CAMK4: variants seen among roughly 807,000 people sequenced by gnomAD.
CAMK4 encodes calcium/calmodulin-dependent protein kinase type IV.
CAMK4 carries 22 observed loss-of-function variants against 44.9 expected under a neutral mutation model. That is an observed-to-expected ratio of 0.49 (90% CI 0.35 to 0.70). The LOEUF (loss-of-function observed/expected upper bound fraction) is 0.70. Among genes scored for constraint, CAMK4 ranks in the 30% least tolerant of loss-of-function variants. The probability of loss-of-function intolerance (pLI) is 0.01; values close to 1 mark genes in which losing one functional copy is unlikely to be tolerated. For missense variants in CAMK4, 498 were observed against 586.8 expected (o/e 0.85, Z 1.56); for synonymous variants, 218 against 215.4 (o/e 1.01, Z -0.11).
chr5:111,404,356 G>A (rs1256257435), intron 5 of CAMK4, among the ~76,000 whole-genome samples: 2 of 152,220 alleles, frequency 1.3e-5, no homozygotes, highest in African/African-American at 4.8e-5. Context: ...TCCATGGTCA[G>A]TTCTTATCTG....
At chr5:111,255,410 C>G (rs574250865) in intron 1 of CAMK4, among the ~76,000 whole-genome samples, 3 of 152,122 alleles carry the variant, frequency 2.0e-5, no homozygotes, top group Non-Finnish European at 4.4e-5. Flanking sequence ...TGGATTCATG[C>G]CCAGCAAGTT....
chr5:111,235,283 A>G (rs1010032786), intron 1 of CAMK4, among the ~76,000 whole-genome samples: 2 of 152,138 alleles, frequency 1.3e-5, no homozygotes, highest in South Asian at 2.1e-4. Context: ...TATTCATTCA[A>G]ATAAGTCATT....
intron 2 of CAMK4, among the ~76,000 whole-genome samples, chr5:111,372,234 C>G (rs971406359): frequency 2.0e-5 from 3 of 152,128 alleles, no homozygotes; most frequent in African/African-American, 7.2e-5. Context: ...ATACTAAAAG[C>G]AAACAATAAC....
At chr5:111,470,621 A>G (rs1191912644) in intron 7 of CAMK4, among the ~76,000 whole-genome samples, 3 of 152,244 alleles carry the variant, frequency 2.0e-5, no homozygotes, top group Admixed American at 6.5e-5. Context: ...AACCATGTCA[A>G]TGCAGTCTTT....
intron 7 of CAMK4, among the ~76,000 whole-genome samples, chr5:111,452,158 G>A (rs1163906995): frequency 6.6e-6 from 1 of 152,228 alleles, no homozygotes; most frequent in Non-Finnish European, 1.5e-5. Context: ...TTGTCAGTGG[G>A]TACAGGGAGA....
chr5:111,246,602 A>G (rs1361943862), intron 1 of CAMK4, among the ~76,000 whole-genome samples: 1 of 152,192 alleles, frequency 6.6e-6, no homozygotes, highest in African/African-American at 2.4e-5. Flanking sequence ...AGCAAAATGC[A>G]GCATTTAAGT....
intron 5 of CAMK4, among the ~76,000 whole-genome samples, chr5:111,406,775 A>G (rs1752450080): frequency 6.6e-6 from 1 of 152,182 alleles, no homozygotes; most frequent in Non-Finnish European, 1.5e-5. Flanking sequence ...TAACTTATTT[A>G]TCTTCCTTGG....
chr5:111,467,373 C>CAAAAAAAAAA (rs34201915), intron 7 of CAMK4, among the ~76,000 whole-genome samples: 2 of 49,498 alleles, frequency 4.0e-5, no homozygotes, highest in Non-Finnish European at 7.0e-5. Flanking sequence ...TTCTGCATAG[C>CAAAAAAAAAA]AAAAAAAAAA....
chr5:111,281,804 A>G, intron 1 of CAMK4, among the ~76,000 whole-genome samples: 1 of 152,070 alleles, frequency 6.6e-6, no homozygotes, highest in African/African-American at 2.4e-5. Context: ...CACGCCTGTA[A>G]TCCCAGCACT....
At chr5:111,460,417 G>A (rs1159185684) in intron 7 of CAMK4, among the ~76,000 whole-genome samples, 4 of 151,416 alleles carry the variant, frequency 2.6e-5, no homozygotes, top group East Asian at 1.9e-4. Flanking sequence ...GACCACAAGC[G>A]CACACTGCCA....
intron 1 of CAMK4, among the ~76,000 whole-genome samples, chr5:111,257,843 G>A (rs756302975): frequency 2.3e-4 from 35 of 152,102 alleles, no homozygotes; most frequent in Non-Finnish European, 4.0e-4. Context: ...CATGTCCTTC[G>A]CAGGACATGG....
At chr5:111,360,697 C>T (rs547395516) in intron 2 of CAMK4, among the ~76,000 whole-genome samples, 32 of 152,126 alleles carry the variant, frequency 2.1e-4, no homozygotes, top group African/African-American at 7.0e-4. Context: ...AGGATGTGCA[C>T]ACCACTGTAT....
At chr5:111,308,462 A>C (rs141169386) in intron 1 of CAMK4, among the ~76,000 whole-genome samples, 127 of 152,322 alleles carry the variant, frequency 8.3e-4, no homozygotes, top group African/African-American at 2.8e-3. Flanking sequence ...CTTTAAAAAC[A>C]TTAATTCCCT....
intron 1 of CAMK4, among the ~76,000 whole-genome samples, chr5:111,310,157 G>A (rs187771031): frequency 4.6e-5 from 7 of 151,986 alleles, no homozygotes; most frequent in South Asian, 2.1e-4. Flanking sequence ...GTGCTCCTCC[G>A]TCATGGCCAC....
chr5:111,258,904 A>C (rs1749860319), intron 1 of CAMK4, among the ~76,000 whole-genome samples: 3 of 152,130 alleles, frequency 2.0e-5, no homozygotes, highest in Admixed American at 1.3e-4. Flanking sequence ...AACTCAATCT[A>C]TGTATGTCAA....
At chr5:111,477,983 C>G (rs1464626686) in intron 8 of CAMK4, among the ~76,000 whole-genome samples, 1 of 152,080 alleles carries the variant, frequency 6.6e-6, no homozygotes, top group African/African-American at 2.4e-5. Context: ...TCTATTCAAT[C>G]TCTGTCTGCC....
At position 111,224,707 on chromosome 5, in the gene CAMK4, C is replaced by T; in HGVS notation, c.161+63C>T. On this transcript the variant is annotated intron_variant, in intron 1 of 10. Coordinates refer to ENST00000282356, the MANE Select transcript of CAMK4 (RefSeq NM_001744.6). The surrounding 1 kb of genome is among the most constrained non-coding windows in gnomAD (Gnocchi z 5.7). ...GCACTGGGGGTTGTCCCTCTCGCAGCGACGGCTCGGAGGGTGCGGGAGCCT... is the reference window on the plus strand; with the variant it reads ...GCACTGGGGGTTGTCCCTCTCGCAGTGACGGCTCGGAGGGTGCGGGAGCCT... 1.3e-6 allele frequency: 2 copies of T among 1,512,310 alleles called. No individual in the cohort carries two copies. The highest frequency in any genetic ancestry group is 1.8e-6 in the Non-Finnish European group (2 of 1,115,000). The allele number at this position is 1,512,310 out of a possible 1,614,324, so 93.7% of individuals were successfully genotyped here. A position where few individuals can be genotyped will look rare whatever the true frequency, so the allele number is the denominator to read the frequency against.
intron 1 of CAMK4, among the ~76,000 whole-genome samples, chr5:111,233,247 CCTTTAGTCTCTCTTTCA>C (rs1188710122): frequency 6.6e-6 from 1 of 152,186 alleles, no homozygotes; most frequent in Non-Finnish European, 1.5e-5. Context: ...CAAGGAACTA[CCTTTAGTCTCTCTTTCA>C]CTTTGAAAAT....
intron 5 of CAMK4, among the ~76,000 whole-genome samples, chr5:111,428,621 C>G (rs1319773118): frequency 1.3e-5 from 2 of 152,038 alleles, no homozygotes; most frequent in Non-Finnish European, 2.9e-5. Context: ...CCTTTAATAG[C>G]AGAATGAATC....
Sources: gnomAD v4.1 joint callset for allele counts (sites outside exome capture counted in the v4.1 genomes callset) on GRCh38, gnomAD v4.1.1 for gene constraint, Gnocchi (gnomAD v3.1) non-coding constraint, MANE v1.5 for transcripts, NCBI Gene and HGNC (gene_info 2026-07-23, HGNC 2026-07-21) for gene names.